The following MAPRE2 variants were observed in gnomAD, a reference collection of about 807,000 sequenced individuals.
The protein encoded by MAPRE2 is microtubule associated protein RP/EB family member 2, also known as microtubule-associated protein RP/EB family member 2.
MAPRE2 carries 13 observed loss-of-function variants against 43.2 expected under a neutral mutation model. The observed-to-expected ratio is 0.30, with a 90% CI of 0.20 to 0.48. The LOEUF is 0.48. Among genes scored for constraint, MAPRE2 ranks in the 20% least tolerant of loss-of-function variants. The pLI, the probability that MAPRE2 is intolerant of heterozygous loss-of-function variation, is 0.99. For synonymous variants in MAPRE2, 135 were observed against 148.8 expected, an observed-to-expected ratio of 0.91 and a Z score of 0.68; for missense variants, 161 against 400.2, an observed-to-expected ratio of 0.40 and a Z score of 5.10.
intron 4 of MAPRE2, among the ~76,000 whole-genome samples, chr18:35,111,605 G>A (rs1410515026): frequency 1.3e-5 from 2 of 152,124 alleles, no homozygotes; most frequent in African/African-American, 2.4e-5. Flanking sequence ...GAGTCCAAGG[G>A]AAAAATACTC....
chr18:35,119,047 G>A (rs1909553467), intron 4 of MAPRE2, among the ~76,000 whole-genome samples: 1 of 152,194 alleles, frequency 6.6e-6, no homozygotes, highest in South Asian at 2.1e-4. Context: ...TTTGTTACAA[G>A]AGCTGTTGGC....
intron 1 of MAPRE2, among the ~76,000 whole-genome samples, chr18:34,993,310 C>A (rs2097024755): frequency 6.8e-6 from 1 of 147,960 alleles, no homozygotes; most frequent in South Asian, 2.1e-4. Flanking sequence ...GTTTTGTTGC[C>A]CAGGGTGGTC....
chr18:35,065,018 G>C (rs1906763121), intron 1 of MAPRE2, among the ~76,000 whole-genome samples: 1 of 152,176 alleles, frequency 6.6e-6, no homozygotes, highest in African/African-American at 2.4e-5. Flanking sequence ...AAACCAGCTG[G>C]GTGTGGTGGC....
At chr18:34,987,302 T>A (rs2097021506) in intron 1 of MAPRE2, among the ~76,000 whole-genome samples, 1 of 152,164 alleles carries the variant, frequency 6.6e-6, no homozygotes, top group Admixed American at 6.5e-5. Context: ...AATGATGCCT[T>A]GCTACCTAGA....
At chr18:35,055,537 C>CTCTGTGTGTGTGTGTGTG (rs1555914066) in intron 1 of MAPRE2, among the ~76,000 whole-genome samples, 2 of 146,594 alleles carry the variant, frequency 1.4e-5, no homozygotes, top group African/African-American at 5.2e-5. Context: ...ATTCAGTTCT[C>CTCTGTGTGTGTGTGTGTG]TGTGTGTGTG....
intron 2 of MAPRE2, among the ~76,000 whole-genome samples, chr18:35,089,374 C>G (rs1316647116): frequency 1.3e-5 from 2 of 151,974 alleles, no homozygotes; most frequent in African/African-American, 4.8e-5. Flanking sequence ...AAAAACAGTC[C>G]ACAGAATGGG....
At chr18:34,993,356 G>T (rs2097024775) in intron 1 of MAPRE2, among the ~76,000 whole-genome samples, 1 of 147,772 alleles carries the variant, frequency 6.8e-6, no homozygotes, top group African/African-American at 2.5e-5. Context: ...TCCTGCCTCT[G>T]CCTTCCAAAG....
rs528247670 is a variant in MAPRE2 at position 35,091,641 on chromosome 18, G to T, written c.251-5805G>T. On this transcript the variant is annotated intron_variant, in intron 2 of 6. Coordinates refer to ENST00000300249, the MANE Select transcript of MAPRE2 (RefSeq NM_014268.4). ...GAACAAAAAGAACAATGCTGGAGGG[G>T]ACTGCAGCAGATGGGTGGGCTCCTT... Among the ~76,000 whole-genome samples, 28 of 152,170 alleles carry T rather than the reference G, an allele frequency of 1.8e-4. 2 individuals carry two copies. Among genetic ancestry groups the T allele is most frequent in the Admixed American group, 1.7e-3 (26 of 15,282 alleles).
chr18:34,983,828 C>T (rs1480069834), intron 1 of MAPRE2, among the ~76,000 whole-genome samples: 1 of 152,066 alleles, frequency 6.6e-6, no homozygotes, highest in African/African-American at 2.4e-5. Flanking sequence ...TGAGGTTTCA[C>T]CATGTTGGCC....
At chr18:35,038,073 C>G (rs1184688499), upstream of MAPRE2, among the ~76,000 whole-genome samples, 14 of 152,164 alleles carry the variant, frequency 9.2e-5, no homozygotes, top group Admixed American at 9.2e-4. Flanking sequence ...GGCCCTTGCC[C>G]CTGTGTAGAT....
chr18:35,005,629 G>A (rs1454048760), intron 2 of MAPRE2: 1 of 865,796 alleles, frequency 1.2e-6, no homozygotes, highest in Non-Finnish European at 1.7e-6. Context: ...TATTGTCATT[G>A]TAACAAATTT....
chr18:35,114,341 G>C (rs1909313462), intron 4 of MAPRE2, among the ~76,000 whole-genome samples: 1 of 152,124 alleles, frequency 6.6e-6, no homozygotes, highest in African/African-American at 2.4e-5. Context: ...GTTGTATTGC[G>C]ATGACATTTT....
intron 2 of MAPRE2, among the ~76,000 whole-genome samples, chr18:35,086,268 A>C (rs1040935338): frequency 3.3e-5 from 5 of 152,004 alleles, no homozygotes; most frequent in African/African-American, 1.2e-4. Context: ...ATATATATAT[A>C]CATGTATATA....
At position 34,985,236 on chromosome 18, in the gene MAPRE2, TATATAATATAAAATATATA is replaced by T. The variant is rs1233468226; in HGVS notation, c.-70+8168_-70+8186del. 1.6e-3 allele frequency among the ~76,000 whole-genome samples: 99 copies of T among 63,506 alleles called. 1 individual carries two copies. The highest frequency in any genetic ancestry group is 6.1e-3 in the African/African-American group (95 of 15,576). The allele number at this position is 63,506 out of a possible 152,430, so 41.7% of individuals were successfully genotyped here. A position where few individuals can be genotyped will look rare whatever the true frequency, so the allele number is the denominator to read the frequency against. On this transcript the variant is annotated intron_variant, in intron 1 of 7. Transcript: ENST00000413393. ...AAATAAAATATATAATATTATATAT[TATATAATATAAAATATATA>T]ATATAATATATTATATAATATAATA...
intron 3 of MAPRE2, among the ~76,000 whole-genome samples, chr18:35,098,223 A>G (rs1466898621): frequency 2.0e-5 from 3 of 152,112 alleles, no homozygotes; most frequent in Non-Finnish European, 4.4e-5. Flanking sequence ...CTCTTTCTGC[A>G]TGTTTACTGC....
At chr18:34,991,103 A>G (rs1390606593) in intron 1 of MAPRE2, among the ~76,000 whole-genome samples, 1 of 152,118 alleles carries the variant, frequency 6.6e-6, no homozygotes, top group African/African-American at 2.4e-5. Context: ...TCGAGGTACA[A>G]CTGAACACAT....
At chr18:34,997,101 C>CCCTTATTCATTTTTGTATCCT (rs1290187141) in intron 1 of MAPRE2, among the ~76,000 whole-genome samples, 3 of 152,094 alleles carry the variant, frequency 2.0e-5, no homozygotes, top group East Asian at 3.9e-4. Flanking sequence ...ATTTTTGTAT[C>CCCTTATTCATTTTTGTATCCT]CCTTATTCAT....
intron 2 of MAPRE2, among the ~76,000 whole-genome samples, chr18:35,019,411 A>G (rs1369448570): frequency 6.6e-6 from 1 of 151,942 alleles, no homozygotes; most frequent in African/African-American, 2.4e-5. Context: ...AGTATTCTGT[A>G]GATGTCTATT....
intron 1 of MAPRE2, among the ~76,000 whole-genome samples, chr18:35,046,968 A>G (rs561376669): frequency 4.7e-4 from 72 of 152,294 alleles, no homozygotes; most frequent in African/African-American, 1.6e-3. Flanking sequence ...ACAATGAACC[A>G]GGTTTCTGGT....
Sources: allele counts gnomAD v4.1 joint callset (sites outside exome capture counted in the v4.1 genomes callset), GRCh38; gene constraint gnomAD v4.1.1; transcripts MANE v1.5; gene names NCBI Gene and HGNC (gene_info 2026-07-23, HGNC 2026-07-21).